The following CDKAL1 variants were observed in gnomAD, a reference collection of about 807,000 sequenced individuals.
The protein encoded by CDKAL1 is threonylcarbamoyladenosine tRNA methylthiotransferase.
CDKAL1 carries 32 observed loss-of-function variants against 68.2 expected under a neutral mutation model. The observed-to-expected ratio is 0.47, with a 90% CI of 0.35 to 0.63. The LOEUF is 0.63. Ranked by LOEUF, CDKAL1 falls within the 30% of genes least tolerant of loss-of-function variation. The pLI, the probability that CDKAL1 is intolerant of heterozygous loss-of-function variation, is 0.00. For missense variants in CDKAL1, 606 were observed against 696.7 expected, an observed-to-expected ratio of 0.87 and a Z score of 1.47; for synonymous variants, 234 against 244.3, an observed-to-expected ratio of 0.96 and a Z score of 0.39.
chr6:21,176,837 G>A (rs1454268953), intron 13 of CDKAL1, among the ~76,000 whole-genome samples: 2 of 150,260 alleles, frequency 1.3e-5, no homozygotes, highest in Non-Finnish European at 1.5e-5. Flanking sequence ...TGGGATTACA[G>A]GCGCCTGCCA....
At chr6:20,912,112 A>G (rs542238144) in intron 9 of CDKAL1, among the ~76,000 whole-genome samples, 1 of 152,322 alleles carries the variant, frequency 6.6e-6, no homozygotes, top group African/African-American at 2.4e-5. Context: ...ATGAGAGTGC[A>G]TGAAGAAATC....
chr6:21,138,783 G>A (rs966298177), intron 13 of CDKAL1, among the ~76,000 whole-genome samples: 3 of 151,982 alleles, frequency 2.0e-5, no homozygotes, highest in Admixed American at 6.6e-5. Flanking sequence ...TTAAGCACCC[G>A]GACATAAGCA....
chr6:20,884,482 A>G (rs1034278201), intron 9 of CDKAL1, among the ~76,000 whole-genome samples: 11 of 152,206 alleles, frequency 7.2e-5, no homozygotes, highest in East Asian at 1.9e-4. Flanking sequence ...TTGCTATTCA[A>G]CGTTGTACTC....
intron 8 of CDKAL1, among the ~76,000 whole-genome samples, chr6:20,845,703 G>C (rs1778351824): frequency 6.6e-6 from 1 of 152,108 alleles, no homozygotes; most frequent in African/African-American, 2.4e-5. Flanking sequence ...AGGAATACCA[G>C]AACTTTCTAG....
chr6:20,557,087 G>A (rs1038057098), intron 4 of CDKAL1, among the ~76,000 whole-genome samples: 12 of 147,910 alleles, frequency 8.1e-5, no homozygotes, highest in Non-Finnish European at 1.0e-4. Flanking sequence ...ATAAATAAAT[G>A]AAAAATAAAT....
At chr6:20,981,262 C>G (rs1561934118) in intron 10 of CDKAL1, among the ~76,000 whole-genome samples, 1 of 152,058 alleles carries the variant, frequency 6.6e-6, no homozygotes, top group Non-Finnish European at 1.5e-5. Flanking sequence ...TTTAATGAGT[C>G]GTTTTGAATG....
chr6:21,053,611 A>G (rs1770659947), intron 11 of CDKAL1, among the ~76,000 whole-genome samples: 1 of 152,080 alleles, frequency 6.6e-6, no homozygotes, highest in Non-Finnish European at 1.5e-5. Context: ...CAGTTTCTCT[A>G]TATGCTTACT....
chr6:21,145,365 G>T (rs899434601), intron 13 of CDKAL1, among the ~76,000 whole-genome samples: 1 of 152,114 alleles, frequency 6.6e-6, no homozygotes, highest in African/African-American at 2.4e-5. Context: ...CAAAAGCTTT[G>T]TAACAGTATT....
In CDKAL1 at chr6:21,156,372, C is replaced by T. The variant is rs183291066; in HGVS notation, c.1300-41649C>T. On this transcript the variant is annotated intron_variant, in intron 13 of 15. Coordinates refer to ENST00000274695, the MANE Select transcript of CDKAL1 (RefSeq NM_017774.3). The stretch of plus-strand genomic sequence containing the variant: ...CCAGGAGGCAGAAGTTGCAGTGAGC[C>T]GAGATCGTGCCACTGTACTCCAGCT... 1.3e-3 allele frequency among the ~76,000 whole-genome samples: 178 copies of T among 141,174 alleles called. 2 individuals are homozygous for T. The highest frequency in any genetic ancestry group is 4.1e-3 in the African/African-American group (153 of 37,052). 92.6% of individuals were successfully genotyped at this position (141,174 alleles called of 152,430 possible). A position where few individuals can be genotyped will look rare whatever the true frequency, so the allele number is the denominator to read the frequency against.
Position 21,210,872 on chromosome 6 carries a change from C to T in CDKAL1, c.1548+9598C>T, listed in dbSNP as rs191907935. 2.6e-5 allele frequency among the ~76,000 whole-genome samples: 4 copies of T among 152,288 alleles called. No homozygotes were observed. The East Asian group carries it at 5.8e-4, about 22-fold the overall frequency. On this transcript the variant is annotated intron_variant, in intron 15 of 15. Coordinates refer to ENST00000274695, the MANE Select transcript of CDKAL1 (RefSeq NM_017774.3). ...TTTGCTGAGTTTTCCAGAAACAACACCCAGAACCACACAGGAGCTTCTGGT... is the reference window on the plus strand; with the variant it reads ...TTTGCTGAGTTTTCCAGAAACAACATCCAGAACCACACAGGAGCTTCTGGT...
chr6:20,605,725 T>C (rs186018660), intron 4 of CDKAL1, among the ~76,000 whole-genome samples: 1 of 152,272 alleles, frequency 6.6e-6, no homozygotes, highest in Non-Finnish European at 1.5e-5. Context: ...TCTGTGTGCT[T>C]TACTCAGTGC....
intron 11 of CDKAL1, among the ~76,000 whole-genome samples, chr6:21,039,777 A>C (rs117415885): frequency 6.6e-6 from 1 of 152,216 alleles, no homozygotes; most frequent in African/African-American, 2.4e-5. Context: ...TGATTGAAAC[A>C]TGGGGGACTG....
At chr6:20,969,676 A>C (rs535533573) in intron 10 of CDKAL1, among the ~76,000 whole-genome samples, 2 of 152,274 alleles carry the variant, frequency 1.3e-5, no homozygotes, top group South Asian at 2.1e-4. Context: ...CAGTTTTTGC[A>C]GGGAGGCCTG....
intron 11 of CDKAL1, among the ~76,000 whole-genome samples, chr6:21,037,835 C>T (rs1769676907): frequency 6.6e-6 from 1 of 152,138 alleles, no homozygotes; most frequent in Admixed American, 6.5e-5. Flanking sequence ...TTAAATGTGT[C>T]ACATAAATAT....
intron 3 of CDKAL1, among the ~76,000 whole-genome samples, chr6:20,548,307 A>G (rs1032389352): frequency 6.6e-6 from 1 of 152,050 alleles, no homozygotes; most frequent in Non-Finnish European, 1.5e-5. Flanking sequence ...ACAAGGTGGG[A>G]GGATCACTTG....
chr6:21,114,827 A>AT (rs1774326144), intron 13 of CDKAL1, among the ~76,000 whole-genome samples: 2 of 152,226 alleles, frequency 1.3e-5, no homozygotes, highest in Admixed American at 6.5e-5. Flanking sequence ...AGGACAATGA[A>AT]TTTTTAATTG....
chr6:20,839,617 C>A (rs867599179), intron 8 of CDKAL1, among the ~76,000 whole-genome samples: 1 of 152,080 alleles, frequency 6.6e-6, no homozygotes, highest in Non-Finnish European at 1.5e-5. Context: ...TGTGTTTATA[C>A]CCTGTGTAGG....
intron 15 of CDKAL1, among the ~76,000 whole-genome samples, chr6:21,206,111 G>A (rs1025865941): frequency 3.3e-5 from 5 of 151,980 alleles, no homozygotes; most frequent in Non-Finnish European, 5.9e-5. Context: ...GATTACAGGC[G>A]TGAGCCACCA....
chr6:20,840,514 T>C (rs977832777), intron 8 of CDKAL1, among the ~76,000 whole-genome samples: 3 of 152,186 alleles, frequency 2.0e-5, no homozygotes, highest in African/African-American at 7.2e-5. Context: ...ACTCCGAAAG[T>C]TCACAATTGA....
Sources: gnomAD v4.1 joint callset for allele counts (sites outside exome capture counted in the v4.1 genomes callset) on GRCh38, gnomAD v4.1.1 for gene constraint, MANE v1.5 for transcripts, NCBI Gene and HGNC (gene_info 2026-07-23, HGNC 2026-07-21) for gene names.